Variants in LTN1 observed in about 807,000 individuals in gnomAD.
LTN1 encodes E3 ubiquitin-protein ligase listerin.
Under a neutral mutation model 201.2 loss-of-function variants are expected in LTN1, and 88 were observed. That is an observed-to-expected ratio of 0.44 (90% CI 0.37 to 0.52). LTN1 has a LOEUF of 0.52. Ranked by LOEUF, LTN1 falls within the 20% of genes least tolerant of loss-of-function variation. The probability of loss-of-function intolerance (pLI) is 0.00; values close to 1 mark genes in which losing one functional copy is unlikely to be tolerated. For missense variants in LTN1, 1,752 were observed against 2,038.7 expected, an observed-to-expected ratio of 0.86 and a Z score of 2.71; for synonymous variants, 645 against 713.5, an observed-to-expected ratio of 0.90 and a Z score of 1.53.
At chr21:28,932,726 T>G (rs1185349723) in intron 27 of LTN1, 62 bp from the exon 28 acceptor site, 8 of 1,141,908 alleles carry the variant, frequency 7.0e-6, no homozygotes, top group Non-Finnish European at 1.0e-5. Context: ...GAAAACATTT[T>G]GATAGGTTGA....
In LTN1 at chr21:28,986,074, G is replaced by A; in HGVS notation, c.345+65C>T. On this transcript the variant is annotated intron_variant, in intron 3 of 29. Coordinates refer to ENST00000361371, the MANE Select transcript of LTN1 (RefSeq NM_015565.3). This position sits in a 1 kb window ranked among gnomAD's most constrained non-coding sequence, Gnocchi z 4.1. Reference sequence around the variant, plus strand: ...CCAAAAATCAACATTATAAATTTGAGAGTCTCCATGACTCCAACCAAAAAA... The same window carrying A: ...CCAAAAATCAACATTATAAATTTGAAAGTCTCCATGACTCCAACCAAAAAA... 1.2e-6 allele frequency: 1 copy of A among 800,332 alleles called. No individual in the cohort carries two copies. The highest frequency in any genetic ancestry group is 2.5e-5 in the East Asian group (1 of 39,422). The allele number at this position is 800,332 out of a possible 1,614,324, so 49.6% of individuals were successfully genotyped here. A position where few individuals can be genotyped will look rare whatever the true frequency, so the allele number is the denominator to read the frequency against.
chr21:28,956,791 A>T lies in LTN1; in HGVS notation c.3050T>A (p.Val1017Asp). ...MVLIALRKETVLENNELEKII... is the reference protein window; with the variant it reads ...MVLIALRKETDLENNELEKII... ...TTTCTCAAGCTCATTATTTTCTAAG[A>T]CTGTTTCCTTTCTCAGTGCAATTAA... The change falls in exon 16 of 30, where the codon GTC (valine) becomes GAC (aspartate). Residue 1017 changes from valine (V) to aspartate (D), a missense_variant. By Grantham distance (152) the Val-to-Asp change is radical. Coordinates refer to ENST00000361371, the MANE Select transcript of LTN1 (RefSeq NM_015565.3). The T allele has an allele frequency of 6.2e-7, 1 of 1,604,300 alleles. No individual in the cohort carries two copies. The highest frequency in any genetic ancestry group is 8.5e-7 in the Non-Finnish European group (1 of 1,175,020).
intron 28 of LTN1, among the ~76,000 whole-genome samples, chr21:28,931,720 G>A (rs961563823): frequency 5.9e-5 from 9 of 152,136 alleles, no homozygotes; most frequent in African/African-American, 1.9e-4. Flanking sequence ...AGTTTTTCTT[G>A]GCCGGGAGCG....
Position 28,943,986 on chromosome 21 carries a change from A to T in LTN1, c.3983-82T>A, listed in dbSNP as rs2026246. 0.27 allele frequency: 221,762 copies of T among 818,700 alleles called. 33,592 individuals carry two copies. Among genetic ancestry groups the T allele is most frequent in the South Asian group, 0.31 (19,484 of 63,474 alleles). The allele number at this position is 818,700 out of a possible 1,614,324, so 50.7% of individuals were successfully genotyped here. ...AATGATTCACAAACAATCAAATGTC[A>T]TTTAAGAAAATGAAATAAAAACTAG... On this transcript the variant is annotated intron_variant, in intron 22 of 29. Coordinates refer to ENST00000361371, the MANE Select transcript of LTN1 (RefSeq NM_015565.3).
rs1477572268 is a variant in LTN1 at position 28,986,988 on chromosome 21, T to C, written c.43-54A>G. The C allele has an allele frequency of 8.5e-7, 1 of 1,176,392 alleles. No individual in the cohort carries two copies. The highest frequency in any genetic ancestry group is 2.3e-5 in the East Asian group (1 of 42,602). 72.9% of individuals were successfully genotyped at this position (1,176,392 alleles called of 1,614,324 possible). ...CAGAGTCCAGGAAGGGTTCAAAACTTAACTTTATAATTCCTTGGCTATTCC... is the reference window on the plus strand; with the variant it reads ...CAGAGTCCAGGAAGGGTTCAAAACTCAACTTTATAATTCCTTGGCTATTCC... On this transcript the variant is annotated intron_variant, in intron 1 of 29. Coordinates refer to ENST00000361371, the MANE Select transcript of LTN1 (RefSeq NM_015565.3). This position sits in a 1 kb window ranked among gnomAD's most constrained non-coding sequence, Gnocchi z 4.1.
chr21:28,969,181 A>C (rs1230639846), intron 9 of LTN1, among the ~76,000 whole-genome samples: 1 of 151,792 alleles, frequency 6.6e-6, no homozygotes, highest in Non-Finnish European at 1.5e-5. Context: ...AGATTGCGTC[A>C]TTGTACTCCA....
rs946966654 is a variant in LTN1, at chr21:28,959,312, A to G, written c.2593+146T>C. 4.6e-6 allele frequency: 4 copies of G among 864,804 alleles called. No homozygotes were observed. The African/African-American group carries it at 6.7e-5, about 15-fold the overall frequency. 53.6% of individuals were successfully genotyped at this position (864,804 alleles called of 1,614,324 possible). On this transcript the variant is annotated intron_variant, in intron 13 of 29. Transcript: ENST00000361371. Reference sequence around the variant, plus strand: ...CTTTAACTTGCTTTCTAGAGCTGAAAGTGTTTAAGACTGTAGCCCTTTACT... The same window carrying G: ...CTTTAACTTGCTTTCTAGAGCTGAAGGTGTTTAAGACTGTAGCCCTTTACT...
intron 17 of LTN1, among the ~76,000 whole-genome samples, chr21:28,952,990 G>C (rs1488919805): frequency 1.3e-5 from 2 of 152,090 alleles, no homozygotes; most frequent in Non-Finnish European, 1.5e-5. Flanking sequence ...TCTGACCCTT[G>C]TATGTATTTA....
In LTN1 at chr21:28,953,388, G is replaced by C; in HGVS notation, c.3080-12C>G. ...AAGCAGTTCTGCAACTAAAAGAAGAGACAGCACCAAATTATGAAAAGCACT... is the reference window on the plus strand; with the variant it reads ...AAGCAGTTCTGCAACTAAAAGAAGACACAGCACCAAATTATGAAAAGCACT... On this transcript the variant is annotated splice_polypyrimidine_tract_variant and intron_variant, in intron 16 of 29. Transcript: ENST00000361371. 6.4e-7 allele frequency: 1 copy of C among 1,563,162 alleles called. No individual in the cohort carries two copies. The highest frequency in any genetic ancestry group is 8.6e-7 in the Non-Finnish European group (1 of 1,163,348).
In LTN1 at chr21:28,944,455, T is replaced by C. The variant is rs762613748; in HGVS notation, c.3910A>G (p.Ile1304Val). The C allele has an allele frequency of 7.4e-6, 12 of 1,613,898 alleles. No individual in the cohort carries two copies. Among genetic ancestry groups the C allele is most frequent in the Non-Finnish European group, 8.5e-6 (10 of 1,179,948 alleles). The change falls in exon 22 of 30, where the codon ATC becomes GTC. Residue 1304 changes from isoleucine (I) to valine (V), a missense_variant. Transcript: ENST00000361371. The stretch of plus-strand genomic sequence containing the variant: ...GAAAAAAATTCTTTCCATTCACTGA[T>C]TAGATTTACAGGAAGATTGCCAATG... ...DTIGNLPVNL[I>V]SEWKEFFSQG...
chr21:28,951,566 G>A (rs2247110), intron 18 of LTN1, among the ~76,000 whole-genome samples: 95,101 of 152,038 alleles, frequency 0.63, 30,974 homozygotes, highest in East Asian at 0.82. Flanking sequence ...TTCTATCAGA[G>A]AGATTTCTGG....
At chr21:28,955,664 TC>T (rs1568842661) in intron 16 of LTN1, among the ~76,000 whole-genome samples, 1 of 151,398 alleles carries the variant, frequency 6.6e-6, no homozygotes, top group East Asian at 2.0e-4. Context: ...GTAGCTCACT[TC>T]TATAATCCCA....
At position 28,986,119 on chromosome 21, in the gene LTN1, A is replaced by G; in HGVS notation, c.345+20T>C. The G allele has an allele frequency of 7.3e-7, 1 of 1,361,884 alleles. No individual in the cohort carries two copies. Among genetic ancestry groups the G allele is most frequent in the Non-Finnish European group, 1.1e-6 (1 of 952,202 alleles). 84.4% of individuals were successfully genotyped at this position (1,361,884 alleles called of 1,614,324 possible). On this transcript the variant is annotated intron_variant, in intron 3 of 29. Transcript: ENST00000361371. This position sits in a 1 kb window ranked among gnomAD's most constrained non-coding sequence, Gnocchi z 4.1. Reference sequence around the variant, plus strand: ...AAAAAATATACAACAGAAATAAACTAGCAAAGTTTTAATACTTACAAGTGA... The same window carrying G: ...AAAAAATATACAACAGAAATAAACTGGCAAAGTTTTAATACTTACAAGTGA...
At chr21:28,975,345 C>A (rs571418280) in intron 6 of LTN1, among the ~76,000 whole-genome samples, 29 of 152,190 alleles carry the variant, frequency 1.9e-4, no homozygotes, top group Admixed American at 7.8e-4. Context: ...ACAACAGACA[C>A]CTCCAAAAAG....
chr21:28,957,224 C>T, intron 15 of LTN1, 108 bp downstream of exon 15: 2 of 1,156,258 alleles, frequency 1.7e-6, no homozygotes, highest in East Asian at 2.5e-5. Context: ...CAAAGCAAAG[C>T]AAAATACTCA....
intron 9 of LTN1, among the ~76,000 whole-genome samples, chr21:28,968,771 C>T (rs2084546952): frequency 6.6e-6 from 1 of 151,820 alleles, no homozygotes; most frequent in Admixed American, 6.6e-5. Flanking sequence ...CCACACCTGG[C>T]TAATTTTGTA....
chr21:28,947,890 TA>T (rs35151968), intron 18 of LTN1, among the ~76,000 whole-genome samples: 146 of 144,222 alleles, frequency 1.0e-3, no homozygotes, highest in East Asian at 1.2e-3. Flanking sequence ...TGTCCTCTTT[TA>T]AAAAAAAAAA....
intron 16 of LTN1, among the ~76,000 whole-genome samples, chr21:28,955,190 T>A (rs553337703): frequency 5.9e-5 from 9 of 152,034 alleles, no homozygotes; most frequent in Admixed American, 2.6e-4. Context: ...AGAAATAAGC[T>A]GGGAATGGTG....
chr21:28,971,477 C>A (rs780291033), intron 6 of LTN1, 33 bp from the exon 7 acceptor site: 1 of 1,591,778 alleles, frequency 6.3e-7, no homozygotes, highest in South Asian at 1.1e-5. Context: ...TAAATTAAAA[C>A]CTAGTAAAAC....
Sources: allele counts gnomAD v4.1 joint callset (sites outside exome capture counted in the v4.1 genomes callset), GRCh38; gene constraint gnomAD v4.1.1; non-coding constraint Gnocchi (gnomAD v3.1); transcripts MANE v1.5; gene names NCBI Gene and HGNC (gene_info 2026-07-23, HGNC 2026-07-21).